Variants in LRBA observed in about 807,000 individuals in gnomAD.
LRBA encodes LPS responsive beige-like anchor protein.
Under a neutral mutation model 330.0 loss-of-function variants are expected in LRBA, and 176 were observed. The ratio of observed to expected loss-of-function variants is 0.53; its 90% CI spans 0.47 to 0.60. The LOEUF is 0.60. Among genes scored for constraint, LRBA ranks in the 20% least tolerant of loss-of-function variants. The pLI, the probability that LRBA is intolerant of heterozygous loss-of-function variation, is 0.00. For synonymous variants in LRBA, 1,230 were observed against 1,193.0 expected, an observed-to-expected ratio of 1.03 and a Z score of -0.64; for missense variants, 3,259 against 3,444.8, an observed-to-expected ratio of 0.95 and a Z score of 1.35.
intron 48 of LRBA, among the ~76,000 whole-genome samples, chr4:150,326,780 G>T (rs1028409788): frequency 6.6e-5 from 10 of 152,196 alleles, no homozygotes; most frequent in Non-Finnish European, 1.0e-4. Context: ...CATGCTGGGT[G>T]AGGGGAGAGA....
At chr4:150,314,845 G>A (rs1037883412) in intron 51 of LRBA, 1 of 152,072 alleles carries the variant, frequency 6.6e-6, no homozygotes, top group Non-Finnish European at 1.5e-5. Flanking sequence ...AATATTCTAA[G>A]TCATCTGCTG....
At chr4:150,557,722 G>A (rs140564436) in intron 40 of LRBA, among the ~76,000 whole-genome samples, 51 of 152,276 alleles carry the variant, frequency 3.3e-4, no homozygotes, top group African/African-American at 1.1e-3. Flanking sequence ...TAGGAAGGAA[G>A]TCCACAGAGG....
intron 44 of LRBA, among the ~76,000 whole-genome samples, chr4:150,445,337 C>T (rs938769714): frequency 1.4e-5 from 2 of 139,602 alleles, no homozygotes; most frequent in East Asian, 2.1e-4. Context: ...GTTTTAATTT[C>T]GGAAAACCTC....
intron 2 of LRBA, among the ~76,000 whole-genome samples, chr4:151,002,196 CAAAAAAAAAAAAAAAA>C (rs143587760): frequency 4.1e-5 from 1 of 24,390 alleles, no homozygotes; most frequent in African/African-American, 1.6e-4. Flanking sequence ...CATAAAACAG[CAAAAAAAAAAAAAAAA>C]AAAAAAAAAG....
chr4:150,296,387 AT>A (rs527953902), intron 53 of LRBA, among the ~76,000 whole-genome samples: 1,664 of 152,272 alleles, frequency 0.011, 26 homozygotes, highest in African/African-American at 0.038. Flanking sequence ...AATTCAGAGA[AT>A]TTTTTTCCTA....
intron 2 of LRBA, among the ~76,000 whole-genome samples, chr4:150,955,300 A>AAT (rs2149553588): frequency 1.3e-5 from 2 of 149,226 alleles, no homozygotes; most frequent in South Asian, 4.1e-4. Context: ...AAAAAAAGAA[A>AAT]ATAGAAAATA....
At chr4:150,713,712 G>C (rs867860141) in intron 36 of LRBA, among the ~76,000 whole-genome samples, 1 of 152,168 alleles carries the variant, frequency 6.6e-6, no homozygotes, top group East Asian at 1.9e-4. Flanking sequence ...GATACCGTAA[G>C]TGATGATCTA....
At position 150,662,494 on chromosome 4, in the gene LRBA, C is replaced by T. The variant is rs1205366380; in HGVS notation, c.5921+21057G>A. Among the ~76,000 whole-genome samples, 3 of 152,290 alleles carry T rather than the reference C, an allele frequency of 2.0e-5. No homozygotes were observed. The East Asian group carries it at 5.8e-4, about 29-fold the overall frequency. ...TAAATCCCTGGGGGTGCAATCCAGG[C>T]AACGGAAATTTTTTAAAAGCTTCCT... On this transcript the variant is annotated intron_variant, in intron 37 of 56. Coordinates refer to ENST00000651943, the MANE Select transcript of LRBA (RefSeq NM_001364905.1).
chr4:150,432,286 C>T (rs948226519), intron 46 of LRBA, among the ~76,000 whole-genome samples: 3 of 151,922 alleles, frequency 2.0e-5, no homozygotes, highest in Admixed American at 2.0e-4. Flanking sequence ...CATATTTCAC[C>T]ATCTCCTCTC....
intron 2 of LRBA, among the ~76,000 whole-genome samples, chr4:150,957,576 C>G (rs946833221): frequency 1.0e-4 from 15 of 148,430 alleles, no homozygotes; most frequent in Admixed American, 8.6e-4. Flanking sequence ...ATTTCAAAAC[C>G]AATCATGCCT....
At chr4:151,011,908 T>C (rs867003339) in intron 2 of LRBA, among the ~76,000 whole-genome samples, 6 of 151,934 alleles carry the variant, frequency 3.9e-5, no homozygotes, top group Non-Finnish European at 7.4e-5. Context: ...GGTCTCAAAC[T>C]CTTGGCCTCA....
chr4:151,005,132 T>A (rs1743860294), intron 2 of LRBA, among the ~76,000 whole-genome samples: 1 of 151,994 alleles, frequency 6.6e-6, no homozygotes, highest in African/African-American at 2.4e-5. Context: ...AAAAATTTAG[T>A]TCAGAATCCA....
chr4:150,817,270 A>C lies in LRBA; in HGVS notation c.5172-13T>G. 1.2e-6 allele frequency: 2 copies of C among 1,610,086 alleles called. No individual in the cohort carries two copies. Among genetic ancestry groups the C allele is most frequent in the Non-Finnish European group, 1.7e-6 (2 of 1,177,060 alleles). On this transcript the variant is annotated splice_polypyrimidine_tract_variant and intron_variant, in intron 30 of 56. Coordinates refer to ENST00000651943, the MANE Select transcript of LRBA (RefSeq NM_001364905.1). ...AACAATGACACTTCTGTAATAAAGA[A>C]AGTAAACAGACTGAAAGATACAAAT... is the stretch of plus-strand genomic sequence containing the variant.
chr4:150,725,185 G>A (rs1412135299), intron 36 of LRBA, among the ~76,000 whole-genome samples: 1 of 151,834 alleles, frequency 6.6e-6, no homozygotes, highest in African/African-American at 2.4e-5. Flanking sequence ...GGGGTAGAAA[G>A]TCTATTCAAA....
chr4:150,298,977 G>A (rs1484150566), intron 53 of LRBA, among the ~76,000 whole-genome samples: 2 of 151,884 alleles, frequency 1.3e-5, no homozygotes, highest in Non-Finnish European at 2.9e-5. Flanking sequence ...ATATAAAAGT[G>A]AATAAATAAT....
At chr4:150,609,633 G>GCC in intron 37 of LRBA, among the ~76,000 whole-genome samples, 2 of 152,186 alleles carry the variant, frequency 1.3e-5, no homozygotes, top group Non-Finnish European at 2.9e-5. Flanking sequence ...GATGCTGTGA[G>GCC]CAATTTGATT....
intron 2 of LRBA, among the ~76,000 whole-genome samples, chr4:150,998,194 A>C (rs1280317198): frequency 3.3e-5 from 5 of 151,844 alleles, no homozygotes; most frequent in Non-Finnish European, 5.9e-5. Context: ...TCTACTAAAA[A>C]AATACAAAAT....
At chr4:150,554,297 C>T (rs540940138) in intron 40 of LRBA, among the ~76,000 whole-genome samples, 1 of 152,258 alleles carries the variant, frequency 6.6e-6, no homozygotes, top group East Asian at 1.9e-4. Context: ...ATCACCCTTC[C>T]TTTCTTCCCC....
chr4:150,590,740 C>T lies in LRBA; in HGVS notation c.6166G>A (p.Asp2056Asn). The T allele has an allele frequency of 6.2e-7, 1 of 1,613,774 alleles. No homozygotes were observed. Among genetic ancestry groups the T allele is most frequent in the Non-Finnish European group, 8.5e-7 (1 of 1,179,902 alleles). ...GCAAGATTCTCTAAATCTTTCTCAT[C>T]CACGGATGACAGAGTATCATCATCG... is the stretch of plus-strand genomic sequence containing the variant. Reference protein sequence around the residue: ...EGDDDTLSSVDEKDLENLAGP... With the variant: ...EGDDDTLSSVNEKDLENLAGP... Residue 2056 changes from aspartate (D) to asparagine (N), a missense_variant, in exon 39 of 57, where the codon GAT becomes AAT. Transcript: ENST00000651943.
Sources: allele counts gnomAD v4.1 joint callset (sites outside exome capture counted in the v4.1 genomes callset), GRCh38; gene constraint gnomAD v4.1.1; transcripts MANE v1.5; gene names NCBI Gene and HGNC (gene_info 2026-07-23, HGNC 2026-07-21).